Variants in HTR2A observed in about 807,000 individuals in gnomAD.
The protein encoded by HTR2A is 5-hydroxytryptamine receptor 2A, also known as 5-HT2 receptor.
A neutral mutation model predicts 31.0 loss-of-function variants in HTR2A; 14 were observed. That is an observed-to-expected ratio of 0.45 (90% confidence interval 0.30 to 0.71). The LOEUF is 0.71. Ranked by LOEUF, HTR2A falls within the 30% of genes least tolerant of loss-of-function variation. The pLI, the probability that HTR2A is intolerant of heterozygous loss-of-function variation, is 0.09. For synonymous variants in HTR2A, 209 were observed against 225.2 expected (o/e 0.93, Z 0.64); for missense variants, 442 against 573.3 (o/e 0.77, Z 2.34).
intron 3 of HTR2A, among the ~76,000 whole-genome samples, chr13:46,882,074 A>G (rs1950969730): frequency 6.6e-6 from 1 of 152,176 alleles, no homozygotes; most frequent in South Asian, 2.1e-4. Context: ...AAAAAGAAGT[A>G]AAAAATAAGA....
chr13:46,893,500 C>A (rs2138256995), intron 2 of HTR2A, among the ~76,000 whole-genome samples: 1 of 152,306 alleles, frequency 6.6e-6, no homozygotes, highest in Non-Finnish European at 1.5e-5. Context: ...AGCTGGAGAG[C>A]TTTAGAGAAG....
intron 3 of HTR2A, among the ~76,000 whole-genome samples, chr13:46,851,827 C>T (rs578096485): frequency 5.9e-5 from 9 of 152,314 alleles, no homozygotes; most frequent in South Asian, 2.1e-4. Context: ...AAGATGCCTA[C>T]GCCTAACTCC....
At chr13:46,839,985 C>G (rs1166291851) in intron 3 of HTR2A, among the ~76,000 whole-genome samples, 1 of 152,108 alleles carries the variant, frequency 6.6e-6, no homozygotes, top group East Asian at 1.9e-4. Context: ...GATAACCATT[C>G]TCTTGTAGGG....
intron 3 of HTR2A, among the ~76,000 whole-genome samples, chr13:46,850,357 G>A (rs1351605641): frequency 6.6e-6 from 1 of 152,206 alleles, no homozygotes; most frequent in Non-Finnish European, 1.5e-5. Context: ...ACTCCTCACA[G>A]TCACCCTATG....
At chr13:46,857,597 C>T (rs1425532238) in intron 3 of HTR2A, among the ~76,000 whole-genome samples, 1 of 152,112 alleles carries the variant, frequency 6.6e-6, no homozygotes, top group Admixed American at 6.5e-5. Flanking sequence ...TGGGGAGATG[C>T]ATTCAGACCA....
chr13:46,897,147 T>G, upstream of HTR2A: 1 of 254,530 alleles, frequency 3.9e-6, no homozygotes. Flanking sequence ...ACAGGCTTTT[T>G]CTTCTCCCTC....
chr13:46,892,130 C>G (rs887585731), intron 3 of HTR2A, among the ~76,000 whole-genome samples: 1 of 152,250 alleles, frequency 6.6e-6, no homozygotes, highest in African/African-American at 2.4e-5. Context: ...GAAAACAGCA[C>G]AGTTATTTCT....
intron 3 of HTR2A, among the ~76,000 whole-genome samples, chr13:46,881,492 A>G (rs1232556232): frequency 6.6e-6 from 1 of 152,190 alleles, no homozygotes; most frequent in Non-Finnish European, 1.5e-5. Flanking sequence ...GAACAAAAAT[A>G]AAGATACAAC....
At chr13:46,872,297 T>C (rs1950868184) in intron 3 of HTR2A, among the ~76,000 whole-genome samples, 1 of 151,924 alleles carries the variant, frequency 6.6e-6, no homozygotes, top group South Asian at 2.1e-4. Flanking sequence ...CCTTGAGAGG[T>C]TATAAAATCT....
intron 3 of HTR2A, among the ~76,000 whole-genome samples, chr13:46,886,310 T>C (rs1951005906): frequency 1.3e-5 from 2 of 150,078 alleles, no homozygotes; most frequent in South Asian, 4.3e-4. Flanking sequence ...ACTAACCGGG[T>C]TGGAGGAAGG....
intron 3 of HTR2A, among the ~76,000 whole-genome samples, chr13:46,889,857 T>G (rs1951037726): frequency 6.6e-6 from 1 of 152,190 alleles, no homozygotes; most frequent in Non-Finnish European, 1.5e-5. Context: ...TAGATCTGCC[T>G]TTTTCCTTTT....
At chr13:46,837,075 T>A (rs1950567632) in intron 3 of HTR2A, among the ~76,000 whole-genome samples, 2 of 152,252 alleles carry the variant, frequency 1.3e-5, no homozygotes, top group South Asian at 4.2e-4. Flanking sequence ...ATTTGGGGGA[T>A]CTGTAAGGCT....
In HTR2A at chr13:46,854,653, C is replaced by G. The variant is rs576864220; in HGVS notation, c.614-19014G>C. Among the ~76,000 whole-genome samples the G allele has an allele frequency of 3.3e-5, 5 of 152,234 alleles. No homozygotes were observed. The South Asian group carries it at 1.0e-3, about 32-fold the overall frequency. ...AGTTCTTTTGAGGCTGAAAGTTGCC[C>G]TGGGGTTGTAAGATCTTACACGACC... On this transcript the variant is annotated intron_variant, in intron 3 of 3. Transcript: ENST00000542664.
intron 3 of HTR2A, among the ~76,000 whole-genome samples, chr13:46,880,460 T>C (rs1336279610): frequency 6.6e-6 from 1 of 152,204 alleles, no homozygotes. Flanking sequence ...CTGTCCCTTC[T>C]CTTCTTCTTA....
intron 3 of HTR2A, among the ~76,000 whole-genome samples, chr13:46,851,846 G>A (rs1422959474): frequency 6.6e-6 from 1 of 152,230 alleles, no homozygotes; most frequent in African/African-American, 2.4e-5. Flanking sequence ...CCTGGATGCT[G>A]TGAATATGTT....
intron 3 of HTR2A, among the ~76,000 whole-genome samples, chr13:46,845,552 T>G (rs1222901683): frequency 6.6e-6 from 1 of 150,944 alleles, no homozygotes; most frequent in Non-Finnish European, 1.5e-5. Flanking sequence ...CTGAGCTAGG[T>G]ACTTGAGGAA....
In HTR2A at chr13:46,834,165, T is replaced by C. The variant is rs1163399332; in HGVS notation, c.*672A>G. On this transcript the variant is annotated 3_prime_UTR_variant, in exon 4 of 4. Transcript: ENST00000542664. ...GAAGTAGAAGAGAAAGCAGCAATAG[T>C]TATTGAATAACATTTGAAGTCTTTT... 1.3e-5 allele frequency: 2 copies of C among 152,650 alleles called. No homozygotes were observed. Among genetic ancestry groups the C allele is most frequent in the Admixed American group, 1.3e-4 (2 of 15,280 alleles). The allele number at this position is 152,650 out of a possible 1,614,324, so 9.5% of individuals were successfully genotyped here.
chr13:46,855,509 C>T (rs571192416), intron 3 of HTR2A, among the ~76,000 whole-genome samples: 1 of 151,862 alleles, frequency 6.6e-6, no homozygotes, highest in African/African-American at 2.4e-5. Flanking sequence ...GGAAGGTGCT[C>T]TCAACTGGGG....
chr13:46,864,485 AC>A (rs1950804954), intron 3 of HTR2A, among the ~76,000 whole-genome samples: 1 of 152,174 alleles, frequency 6.6e-6, no homozygotes, highest in South Asian at 2.1e-4. Context: ...CGCAGGTCTT[AC>A]AAGCCAGGAG....
Sources: gnomAD v4.1 joint callset for allele counts (sites outside exome capture counted in the v4.1 genomes callset) on GRCh38, gnomAD v4.1.1 for gene constraint, MANE v1.5 for transcripts, NCBI Gene and HGNC (gene_info 2026-07-23, HGNC 2026-07-21) for gene names.